Variants in ATG13 observed in about 807,000 individuals in gnomAD.
The protein encoded by ATG13 is autophagy-related protein 13.
In ATG13, 23 loss-of-function variants were observed where a neutral mutation model predicts 65.5. That is an observed-to-expected ratio of 0.35 (90% CI 0.25 to 0.50). ATG13 has a LOEUF of 0.50. ATG13 is among the 20% of genes least tolerant of loss of function. The pLI is 0.98. For missense variants in ATG13, 566 were observed against 677.0 expected, an observed-to-expected ratio of 0.84 and a Z score of 1.82; for synonymous variants, 252 against 245.2, an observed-to-expected ratio of 1.03 and a Z score of -0.26.
chr11:46,631,329 A>G (rs2051661250), intron 2 of ATG13, among the ~76,000 whole-genome samples: 1 of 152,186 alleles, frequency 6.6e-6, no homozygotes, highest in Admixed American at 6.6e-5. Context: ...TGCTGGGATT[A>G]TAGGTTTGGA....
intron 1 of ATG13, chr11:46,629,784 C>A (rs772198806): frequency 6.6e-6 from 1 of 152,156 alleles, no homozygotes; most frequent in Non-Finnish European, 1.5e-5. Flanking sequence ...AGAATACAAG[C>A]TCCATAATAT....
intron 2 of ATG13, among the ~76,000 whole-genome samples, chr11:46,642,268 T>C (rs1382307929): frequency 6.6e-6 from 1 of 151,244 alleles, no homozygotes; most frequent in Non-Finnish European, 1.5e-5. Flanking sequence ...AGTCATTAAA[T>C]CTTATCAGCT....
chr11:46,645,941 T>G lies in ATG13; in HGVS notation c.222T>G (p.Pro74=). ...EAKKALAGQL[P]AVGRSMCVEI... is the part of the protein sequence containing the mutation. Reference sequence around the variant, plus strand: ...AGAAGGCACTGGCAGGACAGCTGCCTGCAGTCGGGAGGTCCATGTGTGTGG... The same window carrying G: ...AGAAGGCACTGGCAGGACAGCTGCCGGCAGTCGGGAGGTCCATGTGTGTGG... Residue 74 remains proline, a synonymous_variant, in exon 5 of 19, where the codon CCT becomes CCG. Transcript: ENST00000683050. The G allele has an allele frequency of 6.2e-7, 1 of 1,614,228 alleles. No individual in the cohort carries two copies.
At chr11:46,668,170 C>T (rs1048193455) in intron 15 of ATG13, among the ~76,000 whole-genome samples, 36 of 152,214 alleles carry the variant, frequency 2.4e-4, no homozygotes, top group African/African-American at 8.7e-4. Flanking sequence ...TGTGTCATTG[C>T]CTCGGCCTTA....
rs774677172 is a variant in ATG13, at chr11:46,644,269, T to TA, written c.-13-10_-13-9insA. ...ATATTAGTCATATTTTTTTCACTTT[T>TA]TTTTTTTAGATTCCTATAGGCAATG... On this transcript the variant is annotated splice_polypyrimidine_tract_variant and intron_variant, in intron 2 of 18. Coordinates refer to ENST00000683050, the MANE Select transcript of ATG13 (RefSeq NM_001346311.2). 3.4e-5 allele frequency: 53 copies of TA among 1,572,364 alleles called. No individual in the cohort carries two copies. Among genetic ancestry groups the TA allele is most frequent in the Non-Finnish European group, 4.4e-5 (51 of 1,161,366 alleles).
At chr11:46,660,185 G>T (rs1415276688) in intron 11 of ATG13, among the ~76,000 whole-genome samples, 1 of 152,106 alleles carries the variant, frequency 6.6e-6, no homozygotes, top group African/African-American at 2.4e-5. Context: ...CTCATCCTCA[G>T]CTTCCTTGCC....
At chr11:46,627,930 A>G (rs558321830) in intron 1 of ATG13, among the ~76,000 whole-genome samples, 9 of 152,132 alleles carry the variant, frequency 5.9e-5, no homozygotes, top group African/African-American at 2.2e-4. Flanking sequence ...AAAAAAATAC[A>G]AAAAATTAGC....
chr11:46,636,093 A>T (rs1201119380), intron 2 of ATG13, among the ~76,000 whole-genome samples: 1 of 152,094 alleles, frequency 6.6e-6, no homozygotes, highest in Non-Finnish European at 1.5e-5. Context: ...CAAATGATAG[A>T]TTCCAGTAGG....
Position 46,669,474 on chromosome 11 carries a change from C to T in ATG13, c.1517C>T (p.Pro506Leu), listed in dbSNP as rs1261202434. ...LGTFYREFQN[P>L]PQLSSLSIDI... is the part of the protein sequence containing the mutation. ...ACCTTCTATCGGGAGTTTCAGAACC[C>T]ACCTCAGCTGAGCAGCCTCTCCATA... The change falls in exon 18 of 19, where the codon CCA (proline) becomes CTA (leucine). Residue 506 changes from proline (P) to leucine (L), a missense_variant. Pro to Leu is a moderately conservative substitution (Grantham distance 98). Around this residue, in one of 2 missense-constraint regions of ATG13, gnomAD observed 387 missense variants for 409.8 expected, o/e 0.94. Coordinates refer to ENST00000683050, the MANE Select transcript of ATG13 (RefSeq NM_001346311.2). 1.2e-6 allele frequency: 2 copies of T among 1,614,026 alleles called. No individual in the cohort carries two copies. The highest frequency in any genetic ancestry group is 1.7e-6 in the Non-Finnish European group (2 of 1,180,030).
At position 46,622,908 on chromosome 11, in the gene ATG13, C is replaced by T. The variant is rs939405991; in HGVS notation, c.-70+5018C>T. Among the ~76,000 whole-genome samples the T allele has an allele frequency of 3.9e-5, 6 of 152,210 alleles. No homozygotes were observed. In the South Asian group the frequency reaches 1.0e-3, roughly 26 times the overall value. ...TTTAGATTTGGCTGTAGTGGACTGG[C>T]CGTGGTTCAAGTGCCACCTTCATTC... On this transcript the variant is annotated intron_variant, in intron 1 of 18. Coordinates refer to ENST00000683050, the MANE Select transcript of ATG13 (RefSeq NM_001346311.2).
Position 46,664,763 on chromosome 11 carries a change from A to G in ATG13, c.889-86A>G, listed in dbSNP as rs1222141652. 8.9e-6 allele frequency: 11 copies of G among 1,235,234 alleles called. No individual in the cohort carries two copies. In the East Asian group the frequency reaches 9.3e-5, roughly 10 times the overall value. The allele number at this position is 1,235,234 out of a possible 1,614,324, so 76.5% of individuals were successfully genotyped here. A position where few individuals can be genotyped will look rare whatever the true frequency, so the allele number is the denominator to read the frequency against. On this transcript the variant is annotated intron_variant, in intron 12 of 18. Transcript: ENST00000683050. Reference sequence around the variant, plus strand: ...GGCGGGAGCCATTCCTTATCTCTCTACTGAGCCATCTTGTTTGTCACGCTC... The same window carrying G: ...GGCGGGAGCCATTCCTTATCTCTCTGCTGAGCCATCTTGTTTGTCACGCTC...
chr11:46,672,161 G>T, intron 18 of ATG13, 94 bp from the exon 19 acceptor site: 2 of 1,589,264 alleles, frequency 1.3e-6, no homozygotes, highest in African/African-American at 1.3e-5. Flanking sequence ...GCTGAGCTTC[G>T]TCTTGCTTGC....
intron 1 of ATG13, among the ~76,000 whole-genome samples, chr11:46,620,035 A>G (rs867356527): frequency 0.037 from 5,590 of 151,540 alleles, 372 homozygotes; most frequent in African/African-American, 0.13. Flanking sequence ...TCAAAAAAAA[A>G]AAAAAAAAAT....
At chr11:46,627,490 G>A (rs1341412273) in intron 1 of ATG13, among the ~76,000 whole-genome samples, 1 of 151,904 alleles carries the variant, frequency 6.6e-6, no homozygotes, top group South Asian at 2.1e-4. Context: ...CTTTTTTTGA[G>A]AAGAAGTTTT....
In ATG13 at chr11:46,644,300, T is replaced by C. The variant is rs759200846; in HGVS notation, c.9T>C (p.Thr3=). ME[T]DLNSQDRKDL... is the part of the protein sequence containing the mutation. ...TTAGATTCCTATAGGCAATGGAAAC[T>C]GATCTCAATTCCCAGGACAGAAAGG... Residue 3 remains threonine, a synonymous_variant, in exon 3 of 19, where the codon ACT becomes ACC. Coordinates refer to ENST00000683050, the MANE Select transcript of ATG13 (RefSeq NM_001346311.2). 6.2e-7 allele frequency: 1 copy of C among 1,603,702 alleles called. No homozygotes were observed. Among genetic ancestry groups the C allele is most frequent in the Non-Finnish European group, 8.5e-7 (1 of 1,177,278 alleles).
intron 8 of ATG13, 172 bp downstream of exon 8, chr11:46,656,445 G>A (rs2060061004): frequency 1.9e-6 from 1 of 521,144 alleles, no homozygotes; most frequent in Non-Finnish European, 3.2e-6. Flanking sequence ...GATCTGCCAG[G>A]GTAACCAAAT....
chr11:46,641,926 C>A (rs1338033078), intron 2 of ATG13, among the ~76,000 whole-genome samples: 3 of 152,068 alleles, frequency 2.0e-5, no homozygotes, highest in African/African-American at 7.2e-5. Context: ...AGGCATGTGC[C>A]ACCATGCCTG....
At position 46,647,423 on chromosome 11, in the gene ATG13, G is replaced by A. The variant is rs182340738; in HGVS notation, c.270+1434G>A. On this transcript the variant is annotated intron_variant, in intron 5 of 18. Transcript: ENST00000683050. ...CTCCCGAGTAGCTGGGATTACAGGT[G>A]CGTGCCACCATGCCTGGCTATTTTT... is the stretch of plus-strand genomic sequence containing the variant. Among the ~76,000 whole-genome samples, 242 of 151,422 alleles carry A rather than the reference G, an allele frequency of 1.6e-3. 1 individual carries two copies. Among genetic ancestry groups the A allele is most frequent in the African/African-American group, 5.5e-3 (226 of 41,198 alleles).
intron 2 of ATG13, 49 bp from the exon 3 acceptor site, chr11:46,644,230 A>G (rs1265457967): frequency 7.3e-7 from 1 of 1,364,798 alleles, no homozygotes; most frequent in Admixed American, 2.1e-5. Context: ...TGATGTATCA[A>G]TGCCTTTTTA....
Sources: gnomAD v4.1 joint callset for allele counts (sites outside exome capture counted in the v4.1 genomes callset) on GRCh38, gnomAD v4.1.1 for gene constraint, gnomAD v4.1.1 regional missense constraint, MANE v1.5 for transcripts, NCBI Gene and HGNC (gene_info 2026-07-23, HGNC 2026-07-21) for gene names.